The following CCDC50 variants were observed in gnomAD, a reference collection of about 807,000 sequenced individuals.
The protein encoded by CCDC50 is coiled-coil domain-containing protein 50.
A neutral mutation model predicts 70.2 loss-of-function variants in CCDC50; 54 were observed. The observed-to-expected ratio is 0.77, with a 90% CI of 0.62 to 0.96. The LOEUF is 0.96. Among genes scored for constraint, CCDC50 ranks in the 50% least tolerant of loss-of-function variants. The probability of loss-of-function intolerance (pLI) is 0.00; values close to 1 mark genes in which losing one functional copy is unlikely to be tolerated. For missense variants in CCDC50, 558 were observed against 578.7 expected (o/e 0.96, Z 0.37); for synonymous variants, 216 against 198.8 (o/e 1.09, Z -0.73).
At chr3:191,344,515 C>T (rs747823246) in intron 1 of CCDC50, among the ~76,000 whole-genome samples, 3 of 152,166 alleles carry the variant, frequency 2.0e-5, no homozygotes, top group South Asian at 2.1e-4. Flanking sequence ...AAGGATAGAA[C>T]GATGTTGGAT....
intron 1 of CCDC50, among the ~76,000 whole-genome samples, chr3:191,338,570 C>G (rs568589539): frequency 6.6e-6 from 1 of 152,306 alleles, no homozygotes; most frequent in South Asian, 2.1e-4. Context: ...TTGCTGGATT[C>G]TAAGTTAACA....
Position 191,375,550 on chromosome 3 carries a change from T to C in CCDC50, c.937T>C (p.Phe313Leu), listed in dbSNP as rs1713080000. 1 of 1,613,338 alleles carries C rather than the reference T, an allele frequency of 6.2e-7. No individual in the cohort carries two copies. Among genetic ancestry groups the C allele is most frequent in the Non-Finnish European group, 8.5e-7 (1 of 1,179,700 alleles). ...GAGACACAGGCCCAGGACTCCTCCATTCTCAGAGAGTGAGGAGCAGCTCCA... is the reference window on the plus strand; with the variant it reads ...GAGACACAGGCCCAGGACTCCTCCACTCTCAGAGAGTGAGGAGCAGCTCCA... ...KRRHRPRTPP[F>L]SESEEQLHLH... The change falls in exon 6 of 12, where the codon TTC becomes CTC. Residue 313 changes from phenylalanine to leucine, a missense_variant. Transcript: ENST00000392455.
At chr3:191,372,601 C>T (rs1371528858) in intron 5 of CCDC50, among the ~76,000 whole-genome samples, 1 of 152,058 alleles carries the variant, frequency 6.6e-6, no homozygotes, top group Non-Finnish European at 1.5e-5. Context: ...CACAGTATAT[C>T]ATTACAGAAA....
chr3:191,389,425 A>G (rs2108676878), intron 10 of CCDC50, 71 bp from the exon 11 acceptor site: 2 of 1,286,452 alleles, frequency 1.6e-6, no homozygotes, highest in Admixed American at 1.7e-5. Context: ...TTAGCTTGCA[A>G]TCCAGTAAGA....
intron 1 of CCDC50, among the ~76,000 whole-genome samples, chr3:191,341,073 A>G (rs1286212277): frequency 6.6e-6 from 1 of 151,710 alleles, no homozygotes; most frequent in Non-Finnish European, 1.5e-5. Context: ...TGATCCTCCC[A>G]GCTTAGCCTG....
At chr3:191,365,401 C>T (rs1712648839) in intron 4 of CCDC50, among the ~76,000 whole-genome samples, 1 of 151,938 alleles carries the variant, frequency 6.6e-6, no homozygotes, top group African/African-American at 2.4e-5. Context: ...GAGGCTAGAT[C>T]AAACAGTAAT....
In CCDC50 at chr3:191,349,125, C is replaced by T. The variant is rs980679818; in HGVS notation, c.50-7963C>T. On this transcript the variant is annotated intron_variant, in intron 1 of 11. Transcript: ENST00000392455. ...GGGTTGGTTTTGCTAATGATATTGG[C>T]GGTAGTGATATTGATGTCATTTTGT... Among the ~76,000 whole-genome samples, 17 of 140,654 alleles carry T rather than the reference C, an allele frequency of 1.2e-4. 3 individuals carry two copies. The highest frequency in any genetic ancestry group is 3.6e-4 in the African/African-American group (14 of 39,406). 92.3% of individuals were successfully genotyped at this position (140,654 alleles called of 152,430 possible). A position where few individuals can be genotyped will look rare whatever the true frequency, so the allele number is the denominator to read the frequency against.
rs936393692 is a variant in CCDC50 at position 191,393,621 on chromosome 3, T to C, written c.*1861T>C. On this transcript the variant is annotated 3_prime_UTR_variant, in exon 12 of 12. Coordinates refer to ENST00000392455, the MANE Select transcript of CCDC50 (RefSeq NM_178335.3). ...TCTACATCCCTACTTTATGTAGTCA[T>C]TTTGGAGAAATGGAGGAAAAGGAAA... 1.3e-5 allele frequency: 2 copies of C among 152,182 alleles called. No individual in the cohort carries two copies. The highest frequency in any genetic ancestry group is 2.9e-5 in the Non-Finnish European group (2 of 68,024). 9.4% of individuals were successfully genotyped at this position (152,182 alleles called of 1,614,324 possible). A position where few individuals can be genotyped will look rare whatever the true frequency, so the allele number is the denominator to read the frequency against.
intron 5 of CCDC50, among the ~76,000 whole-genome samples, chr3:191,370,968 C>T (rs1712893795): frequency 6.6e-6 from 1 of 152,142 alleles, no homozygotes; most frequent in Non-Finnish European, 1.5e-5. Context: ...CTTAACCTTT[C>T]TCAAGAAGTC....
intron 1 of CCDC50, among the ~76,000 whole-genome samples, chr3:191,356,678 T>A (rs1712293823): frequency 1.3e-5 from 2 of 152,228 alleles, no homozygotes; most frequent in Admixed American, 1.3e-4. Flanking sequence ...AGATTTCTTT[T>A]AACACCTCTA....
chr3:191,357,815 T>C (rs945260059), intron 2 of CCDC50, among the ~76,000 whole-genome samples, 183 bp from the exon 3 acceptor site: 4 of 152,210 alleles, frequency 2.6e-5, no homozygotes, highest in Non-Finnish European at 4.4e-5. Context: ...TGATCCTCTT[T>C]TTACTTAATG....
At position 191,397,214 on chromosome 3, in the gene CCDC50, A is replaced by T. The variant is rs2108682596; in HGVS notation, c.*5454A>T. 6.6e-6 allele frequency: 1 copy of T among 152,334 alleles called. No homozygotes were observed. Among genetic ancestry groups the T allele is most frequent in the Middle Eastern group, 3.4e-3 (1 of 294 alleles). 9.4% of individuals were successfully genotyped at this position (152,334 alleles called of 1,614,324 possible). ...GAGAACATACTATGACATATCATAG[A>T]ATTGGGATACATTTTTGTTGCACTG... On this transcript the variant is annotated 3_prime_UTR_variant, in exon 12 of 12. Coordinates refer to ENST00000392455, the MANE Select transcript of CCDC50 (RefSeq NM_178335.3).
chr3:191,398,091 T>C lies in CCDC50; in HGVS notation c.*6331T>C, dbSNP rs768795047. On this transcript the variant is annotated 3_prime_UTR_variant, in exon 12 of 12. Coordinates refer to ENST00000392455, the MANE Select transcript of CCDC50 (RefSeq NM_178335.3). ...CAAGTTGTTCCTGCTCATGACCTCA[T>C]TGAGGAAAATGAGAATTGTGGTGCT... The C allele has an allele frequency of 6.6e-6, 1 of 152,206 alleles. No individual in the cohort carries two copies. 9.4% of individuals were successfully genotyped at this position (152,206 alleles called of 1,614,324 possible).
intron 6 of CCDC50, among the ~76,000 whole-genome samples, chr3:191,376,978 C>T (rs1713137924): frequency 6.6e-6 from 1 of 152,080 alleles, no homozygotes; most frequent in Non-Finnish European, 1.5e-5. Flanking sequence ...TTTAGTTATG[C>T]TCCAGGATAT....
chr3:191,371,854 TA>T (rs780796578), intron 5 of CCDC50, among the ~76,000 whole-genome samples: 1 of 152,208 alleles, frequency 6.6e-6, no homozygotes, highest in Non-Finnish European at 1.5e-5. Flanking sequence ...TTTGCTGTAC[TA>T]AAGATCAGAA....
intron 2 of CCDC50, among the ~76,000 whole-genome samples, chr3:191,357,704 T>A (rs1712337861): frequency 1.3e-5 from 2 of 152,250 alleles, no homozygotes; most frequent in South Asian, 4.1e-4. Flanking sequence ...CAACATGTAG[T>A]AGTAGAAAGA....
intron 6 of CCDC50, among the ~76,000 whole-genome samples, chr3:191,376,314 TC>T (rs1287547279): frequency 6.6e-6 from 1 of 152,200 alleles, no homozygotes; most frequent in African/African-American, 2.4e-5. Context: ...CAGTTGGTGT[TC>T]TAAAGTACCA....
At chr3:191,364,568 C>A (rs932726806) in intron 4 of CCDC50, among the ~76,000 whole-genome samples, 7 of 150,834 alleles carry the variant, frequency 4.6e-5, no homozygotes, top group Non-Finnish European at 8.8e-5. Context: ...GACTGAGAAC[C>A]CTTTTCTCTT....
chr3:191,391,725 T>C lies in CCDC50; in HGVS notation c.1430-16T>C. ...TTTTTCCTTAATTGTGTTTCCTTTT[T>C]TCTTCCCCTCCCCAGGTTTTCATTA... On this transcript the variant is annotated splice_polypyrimidine_tract_variant and intron_variant, in intron 11 of 11. Coordinates refer to ENST00000392455, the MANE Select transcript of CCDC50 (RefSeq NM_178335.3). 1 of 1,612,496 alleles carries C rather than the reference T, an allele frequency of 6.2e-7. No homozygotes were observed. Among genetic ancestry groups the C allele is most frequent in the Admixed American group, 1.7e-5 (1 of 59,970 alleles).
Sources: gnomAD v4.1 joint callset for allele counts (sites outside exome capture counted in the v4.1 genomes callset) on GRCh38, gnomAD v4.1.1 for gene constraint, MANE v1.5 for transcripts, NCBI Gene and HGNC (gene_info 2026-07-23, HGNC 2026-07-21) for gene names.